Variants in LRRCC1 observed in about 807,000 individuals in gnomAD.
The protein encoded by LRRCC1 is leucine rich repeat and coiled-coil centrosomal protein 1.
Under a neutral mutation model 126.0 loss-of-function variants are expected in LRRCC1, and 115 were observed. That is an observed-to-expected ratio of 0.91 (90% CI 0.78 to 1.07). The LOEUF is 1.07. Ranked by LOEUF, LRRCC1 falls within the 50% of genes least tolerant of loss-of-function variation. LRRCC1 has a pLI of 0.00. For missense variants in LRRCC1, 1,172 were observed against 1,175.7 expected (o/e 1.00, Z 0.05); for synonymous variants, 400 against 393.4 (o/e 1.02, Z -0.20).
chr8:85,145,390 T>C lies in LRRCC1; in HGVS notation c.2978T>C (p.Val993Ala), dbSNP rs780417533. The change falls in exon 19 of 19, where the codon GTC (valine) becomes GCC (alanine). Residue 993 changes from valine (V) to alanine (A), a missense_variant and splice_region_variant. Transcript: ENST00000360375. ...TGTAAAATTTACATGTCGATTTAGG[T>C]CCATCAAATTGAAAAAGAAATGCGT... ...QKCIDSANLK[V>A]HQIEKEMREL... 6.6e-7 allele frequency: 1 copy of C among 1,524,490 alleles called. No individual in the cohort carries two copies. The highest frequency in any genetic ancestry group is 2.2e-5 in the Admixed American group (1 of 45,472). The allele number at this position is 1,524,490 out of a possible 1,614,324, so 94.4% of individuals were successfully genotyped here. A position where few individuals can be genotyped will look rare whatever the true frequency, so the allele number is the denominator to read the frequency against.
chr8:85,125,967 T>C (rs974777783), intron 8 of LRRCC1, among the ~76,000 whole-genome samples: 3 of 152,198 alleles, frequency 2.0e-5, no homozygotes, highest in Admixed American at 6.5e-5. Flanking sequence ...TGTGCCTGTG[T>C]TTCCCAAGTT....
intron 3 of LRRCC1, among the ~76,000 whole-genome samples, chr8:85,111,087 G>A (rs1808677869): frequency 6.6e-6 from 1 of 152,092 alleles, no homozygotes; most frequent in South Asian, 2.1e-4. Context: ...TTAGAACTGA[G>A]TTTGTTTTTG....
chr8:85,142,024 A>AGTG (rs957988094), intron 18 of LRRCC1, among the ~76,000 whole-genome samples: 65 of 152,190 alleles, frequency 4.3e-4, no homozygotes, highest in African/African-American at 1.5e-3. Flanking sequence ...GGCCGGGCGC[A>AGTG]GTGGCTCACG....
chr8:85,142,975 C>T (rs1811368402), intron 18 of LRRCC1, among the ~76,000 whole-genome samples: 2 of 151,974 alleles, frequency 1.3e-5, no homozygotes, highest in South Asian at 4.2e-4. Context: ...ATAACTTGTC[C>T]AAAATTCAGT....
chr8:85,109,696 A>G lies in LRRCC1; in HGVS notation c.206A>G (p.His69Arg), dbSNP rs1240798704. 1 of 1,604,358 alleles carries G rather than the reference A, an allele frequency of 6.2e-7. No homozygotes were observed. Among genetic ancestry groups the G allele is most frequent in the South Asian group, 1.1e-5 (1 of 90,792 alleles). Residue 69 changes from histidine (H) to arginine (R), a missense_variant, in exon 2 of 19, where the codon CAT becomes CGT. Transcript: ENST00000360375. ...EAIDHIWNLQ[H>R]LDLSSNQISR... ...ATTGATCATATTTGGAATTTACAAC[A>G]TCTAGATCTGTCATCTAATCAAATA...
intron 6 of LRRCC1, among the ~76,000 whole-genome samples, chr8:85,118,475 C>G (rs1336603409): frequency 6.6e-6 from 1 of 151,924 alleles, no homozygotes; most frequent in Non-Finnish European, 1.5e-5. Context: ...AGTGGTTATT[C>G]TATTTTATTC....
intron 10 of LRRCC1, 146 bp downstream of exon 10, chr8:85,129,525 G>T (rs938510766): frequency 3.0e-6 from 2 of 676,582 alleles, no homozygotes; most frequent in Non-Finnish European, 5.0e-6. Flanking sequence ...CGGTCACATA[G>T]CCTGTTGAAT....
intron 1 of LRRCC1, chr8:85,107,625 A>C: frequency 4.7e-6 from 2 of 424,298 alleles, no homozygotes; most frequent in Non-Finnish European, 4.2e-6. Context: ...CCAGCGTTTC[A>C]CACGACTCTG....
intron 1 of LRRCC1, among the ~76,000 whole-genome samples, chr8:85,107,977 T>C (rs1808394198): frequency 6.6e-6 from 1 of 152,226 alleles, no homozygotes; most frequent in African/African-American, 2.4e-5. Flanking sequence ...CGTTTCCCTC[T>C]CTCTTGAAGC....
rs1215730381 is a variant in LRRCC1 at position 85,144,887 on chromosome 8, A to G, written c.2977-502A>G. Reference sequence around the variant, plus strand: ...AGATCGAGACCATCCTGGCTAACACAGTGAAACCCCATCTCTACTAAAAAT... The same window carrying G: ...AGATCGAGACCATCCTGGCTAACACGGTGAAACCCCATCTCTACTAAAAAT... On this transcript the variant is annotated intron_variant, in intron 18 of 18. Coordinates refer to ENST00000360375, the MANE Select transcript of LRRCC1 (RefSeq NM_033402.5). Among the ~76,000 whole-genome samples the G allele has an allele frequency of 2.7e-5, 4 of 148,120 alleles. No homozygotes were observed. In the South Asian group the frequency reaches 8.4e-4, roughly 31 times the overall value.
In LRRCC1 at chr8:85,126,721, G is replaced by C. The variant is rs990532608; in HGVS notation, c.1305G>C (p.Glu435Asp). 1 of 1,612,698 alleles carries C rather than the reference G, an allele frequency of 6.2e-7. No individual in the cohort carries two copies. Among genetic ancestry groups the C allele is most frequent in the Non-Finnish European group, 8.5e-7 (1 of 1,179,848 alleles). ...TTGAACAGCTAGACCAAGAGAGAGA[G>C]AAGAGATGGAGAGCTGAGCAAGCCG... Reference protein sequence around the residue: ...SLVEQLDQEREKRWRAEQAEN... With the variant: ...SLVEQLDQERDKRWRAEQAEN... Residue 435 changes from glutamate to aspartate, a missense_variant, in exon 9 of 19, where the codon GAG becomes GAC. Transcript: ENST00000360375.
chr8:85,118,455 C>A (rs1468708025), intron 6 of LRRCC1, among the ~76,000 whole-genome samples: 1 of 151,758 alleles, frequency 6.6e-6, no homozygotes, highest in African/African-American at 2.4e-5. Context: ...AAATTGATAC[C>A]TTTTTTCAAA....
At position 85,138,067 on chromosome 8, in the gene LRRCC1, A is replaced by G. The variant is rs372048898; in HGVS notation, c.2526A>G (p.Arg842=). The change falls in exon 16 of 19, where the codon AGA becomes AGG. Residue 842 remains arginine (R), a synonymous_variant. Coordinates refer to ENST00000360375, the MANE Select transcript of LRRCC1 (RefSeq NM_033402.5). ...CLQEKDEHIK[R]LQEKITEIEK... is the part of the protein sequence containing the mutation. ...AAGAAAAAGATGAACACATCAAAAGATTACAAGAAAAGATCACAGAAATAG... is the reference window on the plus strand; with the variant it reads ...AAGAAAAAGATGAACACATCAAAAGGTTACAAGAAAAGATCACAGAAATAG... 7 of 1,587,544 alleles carry G rather than the reference A, an allele frequency of 4.4e-6. No individual in the cohort carries two copies. The highest frequency in any genetic ancestry group is 6.0e-6 in the Non-Finnish European group (7 of 1,167,278).
chr8:85,124,899 T>C lies in LRRCC1; in HGVS notation c.1232T>C (p.Ile411Thr), dbSNP rs1172776644. 3.1e-6 allele frequency: 5 copies of C among 1,607,818 alleles called. No individual in the cohort carries two copies. In the African/African-American group the frequency reaches 6.7e-5, roughly 22 times the overall value. Residue 411 changes from isoleucine to threonine, a missense_variant, in exon 8 of 19, where the codon ATT (isoleucine) becomes ACT (threonine). Physicochemically the swap from Ile to Thr is moderately conservative, Grantham distance 89. Coordinates refer to ENST00000360375, the MANE Select transcript of LRRCC1 (RefSeq NM_033402.5). The stretch of plus-strand genomic sequence containing the variant: ...TCAGAAAAGCCAAAGACTGAAATAA[T>C]TAAAGTAGACCAAAGTCACTCAGAA... ...QESEKPKTEI[I>T]KVDQSHSEDN... is the part of the protein sequence containing the mutation.
At chr8:85,142,880 G>A (rs1049101834) in intron 18 of LRRCC1, among the ~76,000 whole-genome samples, 7 of 151,660 alleles carry the variant, frequency 4.6e-5, no homozygotes, top group Non-Finnish European at 8.8e-5. Context: ...TCAAGGTTGT[G>A]TGTTTAAATG....
chr8:85,132,908 T>A (rs1351465178), intron 12 of LRRCC1, among the ~76,000 whole-genome samples: 1 of 152,200 alleles, frequency 6.6e-6, no homozygotes, highest in Non-Finnish European at 1.5e-5. Flanking sequence ...CTCTTACATC[T>A]TCAGTTTTTC....
At position 85,129,188 on chromosome 8, in the gene LRRCC1, A is replaced by C; in HGVS notation, c.1435A>C (p.Ile479Leu). The change falls in exon 10 of 19, where the codon ATT (isoleucine) becomes CTT (leucine). Residue 479 changes from isoleucine (I) to leucine (L), a missense_variant. By Grantham distance (5) the Ile-to-Leu change is conservative. Transcript: ENST00000360375. ...CTTCTGCTTTAGGCTAAAGGAAATTATTTTTAGAGAGAGAAATTCCAAAGG... is the reference window on the plus strand; with the variant it reads ...CTTCTGCTTTAGGCTAAAGGAAATTCTTTTTAGAGAGAGAAATTCCAAAGG... Reference protein sequence around the residue: ...LLTTDRLKEIIFRERNSKGQL... With the variant: ...LLTTDRLKEILFRERNSKGQL... 3.1e-6 allele frequency: 5 copies of C among 1,607,794 alleles called. No homozygotes were observed. The highest frequency in any genetic ancestry group is 4.2e-6 in the Non-Finnish European group (5 of 1,177,496).
chr8:85,129,135 T>G, intron 9 of LRRCC1, 40 bp from the exon 10 acceptor site: 1 of 1,372,852 alleles, frequency 7.3e-7, no homozygotes, highest in South Asian at 1.3e-5. Context: ...CATTTTTATA[T>G]GTGTAATATA....
At position 85,107,313 on chromosome 8, in the gene LRRCC1, G is replaced by C. The variant is rs777466741; in HGVS notation, c.18G>C (p.Ala6=). 16 of 1,612,396 alleles carry C rather than the reference G, an allele frequency of 9.9e-6. No homozygotes were observed. The highest frequency in any genetic ancestry group is 1.4e-5 in the Non-Finnish European group (16 of 1,179,492). ...CCAGTGCTATGGAGGCGGCGGCGGC[G>C]GTGGTGGCGGCAGAGGCGGAAGTGG... MEAAA[A]VVAAEAEVEN... is the part of the protein sequence containing the mutation. The change falls in exon 1 of 19, where the codon GCG becomes GCC. Residue 6 remains alanine, a synonymous_variant. Coordinates refer to ENST00000360375, the MANE Select transcript of LRRCC1 (RefSeq NM_033402.5).
Sources: gnomAD v4.1 joint callset for allele counts (sites outside exome capture counted in the v4.1 genomes callset) on GRCh38, gnomAD v4.1.1 for gene constraint, MANE v1.5 for transcripts, NCBI Gene and HGNC (gene_info 2026-07-23, HGNC 2026-07-21) for gene names.